The following MYOZ2 variants were observed in gnomAD, a reference collection of about 807,000 sequenced individuals.
MYOZ2 encodes the protein myozenin-2.
MYOZ2 carries 19 observed loss-of-function variants against 25.4 expected under a neutral mutation model. The ratio of observed to expected loss-of-function variants is 0.75; its 90% confidence interval spans 0.52 to 1.10. MYOZ2 has a LOEUF of 1.10. MYOZ2 is among the 50% of genes least tolerant of loss of function. MYOZ2 has a pLI of 0.00. For missense variants in MYOZ2, 270 were observed against 317.9 expected, an observed-to-expected ratio of 0.85 and a Z score of 1.15; for synonymous variants, 92 against 106.9, an observed-to-expected ratio of 0.86 and a Z score of 0.86.
intron 4 of MYOZ2, among the ~76,000 whole-genome samples, chr4:119,159,592 A>G (rs1195441191): frequency 1.3e-5 from 2 of 152,208 alleles, no homozygotes; most frequent in African/African-American, 2.4e-5. Flanking sequence ...AGAGTAGTGT[A>G]TAGATTTCAA....
chr4:119,184,426 C>T (rs1253360058), intron 5 of MYOZ2, among the ~76,000 whole-genome samples: 1 of 152,184 alleles, frequency 6.6e-6, no homozygotes, highest in Non-Finnish European at 1.5e-5. Flanking sequence ...GTACTTTAGC[C>T]ATACTGTACA....
At chr4:119,170,331 T>C (rs1741922886) in intron 5 of MYOZ2, among the ~76,000 whole-genome samples, 1 of 151,656 alleles carries the variant, frequency 6.6e-6, no homozygotes, top group African/African-American at 2.4e-5. Flanking sequence ...AATGTCCTCA[T>C]GCTAAAAAAA....
chr4:119,162,371 AG>A (rs1450804611), intron 4 of MYOZ2, among the ~76,000 whole-genome samples: 2 of 152,184 alleles, frequency 1.3e-5, no homozygotes, highest in Non-Finnish European at 2.9e-5. Context: ...TCCCCTGAGC[AG>A]GGGAAGAGCT....
intron 5 of MYOZ2, among the ~76,000 whole-genome samples, chr4:119,182,390 G>C (rs1379737029): frequency 6.6e-6 from 1 of 152,114 alleles, no homozygotes; most frequent in Non-Finnish European, 1.5e-5. Flanking sequence ...CTGGATCATG[G>C]TACCTCAGGA....
intron 2 of MYOZ2, among the ~76,000 whole-genome samples, chr4:119,143,564 A>G (rs985938694): frequency 6.6e-6 from 1 of 152,174 alleles, no homozygotes; most frequent in Non-Finnish European, 1.5e-5. Flanking sequence ...TAAAGTCCAT[A>G]GTTTACATTA....
chr4:119,145,405 C>T (rs1297836414), intron 2 of MYOZ2, among the ~76,000 whole-genome samples: 1 of 137,432 alleles, frequency 7.3e-6, no homozygotes. Flanking sequence ...AGTGCAGTGG[C>T]CTGATCTCAG....
At chr4:119,170,396 C>CT (rs1209882517) in intron 5 of MYOZ2, among the ~76,000 whole-genome samples, 1 of 151,708 alleles carries the variant, frequency 6.6e-6, no homozygotes, top group East Asian at 1.9e-4. Flanking sequence ...CCACTAGGGG[C>CT]TAGAGGGTAT....
At chr4:119,184,760 G>A (rs1742258069) in intron 5 of MYOZ2, among the ~76,000 whole-genome samples, 1 of 152,216 alleles carries the variant, frequency 6.6e-6, no homozygotes, top group African/African-American at 2.4e-5. Flanking sequence ...AGATATAGAA[G>A]TTGGGCTTTA....
At position 119,164,354 on chromosome 4, in the gene MYOZ2, G is replaced by T; in HGVS notation, c.520G>T (p.Glu174Ter). Residue 174 changes from glutamate to a stop codon, truncating the protein, a stop_gained, in exon 5 of 6, where the codon GAA becomes TAA. Coordinates refer to ENST00000307128, the MANE Select transcript of MYOZ2 (RefSeq NM_016599.5). LOFTEE classifies it high-confidence loss of function. ...TTTATATCCTAAACTTTTCAAGCCT[G>T]AAGGAAAGGCAGAACTGCCTGATTA... ...EALYPKLFKP[E>*]GKAELPDYRS... is the part of the protein sequence containing the mutation. 6.2e-7 allele frequency: 1 copy of T among 1,614,084 alleles called. No homozygotes were observed. The highest frequency in any genetic ancestry group is 8.5e-7 in the Non-Finnish European group (1 of 1,179,976).
intron 2 of MYOZ2, among the ~76,000 whole-genome samples, chr4:119,145,614 T>C (rs1741275105): frequency 6.6e-6 from 1 of 151,366 alleles, no homozygotes; most frequent in Non-Finnish European, 1.5e-5. Context: ...GCTCAAGCAA[T>C]ACACCTGCCT....
chr4:119,185,865 A>C, intron 5 of MYOZ2, 101 bp from the exon 6 acceptor site: 1 of 937,664 alleles, frequency 1.1e-6, no homozygotes, highest in Non-Finnish European at 1.6e-6. Flanking sequence ...TAATGAATTA[A>C]ATACACCCAT....
chr4:119,152,804 A>T (rs2149221982), intron 3 of MYOZ2, among the ~76,000 whole-genome samples: 1 of 152,282 alleles, frequency 6.6e-6, no homozygotes, highest in African/African-American at 2.4e-5. Flanking sequence ...TGAGTTACAT[A>T]ACATACTCTA....
chr4:119,137,137 T>C (rs1355916543), intron 2 of MYOZ2, among the ~76,000 whole-genome samples: 1 of 152,172 alleles, frequency 6.6e-6, no homozygotes, highest in Non-Finnish European at 1.5e-5. Flanking sequence ...ATATTTTGTG[T>C]GCAAAGTCTA....
intron 5 of MYOZ2, among the ~76,000 whole-genome samples, chr4:119,173,722 C>G (rs868387673): frequency 6.8e-4 from 104 of 152,348 alleles, no homozygotes; most frequent in African/African-American, 2.4e-3. Context: ...CTGTGGGAGC[C>G]CCTTTCTGGG....
intron 2 of MYOZ2, among the ~76,000 whole-genome samples, chr4:119,148,790 C>T: frequency 7.9e-6 from 1 of 126,802 alleles, no homozygotes; most frequent in African/African-American, 2.9e-5. Flanking sequence ...AAAACCTTTC[C>T]ATTTAAAGAA....
At position 119,144,050 on chromosome 4, in the gene MYOZ2, G is replaced by A. The variant is rs536801912; in HGVS notation, c.77-6822G>A. 5.9e-5 allele frequency among the ~76,000 whole-genome samples: 9 copies of A among 152,226 alleles called. No individual in the cohort carries two copies. The South Asian group carries it at 1.7e-3, about 28-fold the overall frequency. On this transcript the variant is annotated intron_variant, in intron 2 of 5. Coordinates refer to ENST00000307128, the MANE Select transcript of MYOZ2 (RefSeq NM_016599.5). ...AATATTGACATTGATACAGTCAAGA[G>A]ACATAATATTTCCATTCCCATAAGG...
rs75240069 is a variant in MYOZ2 at position 119,142,225 on chromosome 4, G to A, written c.76+5624G>A. Among the ~76,000 whole-genome samples, 664 of 152,244 alleles carry A rather than the reference G, an allele frequency of 4.4e-3. 19 individuals are homozygous for A. The East Asian group carries it at 0.068, about 16-fold the overall frequency. ...CCATGGAAGCACTAAATGCAGAGCT[G>A]GAAACAGATATGCAGTAGTAGAACA... is the stretch of plus-strand genomic sequence containing the variant. On this transcript the variant is annotated intron_variant, in intron 2 of 5. Transcript: ENST00000307128.
At chr4:119,154,875 A>G (rs1370028112) in intron 3 of MYOZ2, among the ~76,000 whole-genome samples, 9 of 151,208 alleles carry the variant, frequency 6.0e-5, no homozygotes, top group African/African-American at 1.9e-4. Flanking sequence ...ACACACGCAC[A>G]CACACACACA....
intron 2 of MYOZ2, among the ~76,000 whole-genome samples, chr4:119,148,753 C>T (rs1427963859): frequency 7.3e-5 from 5 of 68,538 alleles, no homozygotes; most frequent in East Asian, 3.9e-4. Context: ...TTTGCTGCTG[C>T]TGATGGAGTC....
Sources: allele counts gnomAD v4.1 joint callset (sites outside exome capture counted in the v4.1 genomes callset), GRCh38; gene constraint gnomAD v4.1.1; transcripts MANE v1.5; gene names NCBI Gene and HGNC (gene_info 2026-07-23, HGNC 2026-07-21).